Variants in GRXCR2 observed in about 807,000 individuals in gnomAD.
GRXCR2 encodes the protein glutaredoxin and cysteine rich domain containing 2.
A neutral mutation model predicts 24.8 loss-of-function variants in GRXCR2; 23 were observed. The ratio of observed to expected loss-of-function variants is 0.93; its 90% CI spans 0.67 to 1.32. The LOEUF is 1.32. Among genes scored for constraint, GRXCR2 ranks in the 40% most tolerant of loss-of-function variants. The pLI, the probability that GRXCR2 is intolerant of heterozygous loss-of-function variation, is 0.00. For missense variants in GRXCR2, 315 were observed against 303.4 expected (o/e 1.04, Z -0.28); for synonymous variants, 130 against 116.1 (o/e 1.12, Z -0.77).
At chr5:145,919,899 T>C (rs2149928383) in intron 2 of GRXCR2, among the ~76,000 whole-genome samples, 1 of 152,272 alleles carries the variant, frequency 6.6e-6, no homozygotes, top group East Asian at 1.9e-4. Flanking sequence ...GTACAGGGTC[T>C]TGTGAGGTAG....
downstream of GRXCR2, among the ~76,000 whole-genome samples, chr5:145,857,870 T>C (rs367777207): frequency 4.1e-4 from 62 of 152,296 alleles, 1 homozygote; most frequent in South Asian, 0.012. Context: ...ATTATCCATT[T>C]ATGTATCTAT....
intron 2 of GRXCR2, among the ~76,000 whole-genome samples, chr5:145,863,516 T>C (rs1035531291): frequency 9.2e-5 from 14 of 152,246 alleles, no homozygotes; most frequent in African/African-American, 3.1e-4. Flanking sequence ...ACCTGCCTTT[T>C]ATCATTTCTG....
Position 145,865,230 on chromosome 5 carries a change from C to A in GRXCR2, c.564+1271G>T, listed in dbSNP as rs1198853975. Among the ~76,000 whole-genome samples the A allele has an allele frequency of 2.0e-5, 3 of 152,110 alleles. No homozygotes were observed. In the South Asian group the frequency reaches 6.2e-4, roughly 32 times the overall value. On this transcript the variant is annotated intron_variant, in intron 2 of 2. Transcript: ENST00000377976. ...GTGAATCCCACAGAAAACATCAAGT[C>A]CCAGGAGATGGAATCTAAGAGAGAG...
chr5:145,886,007 C>T (rs1227705475), intron 2 of GRXCR2, among the ~76,000 whole-genome samples: 2 of 152,172 alleles, frequency 1.3e-5, no homozygotes, highest in African/African-American at 4.8e-5. Context: ...AAAGTTCATG[C>T]TTCTCATCAT....
intron 2 of GRXCR2, among the ~76,000 whole-genome samples, chr5:145,889,208 G>GAAAGAA (rs1258821119): frequency 6.7e-6 from 1 of 149,374 alleles, no homozygotes; most frequent in Non-Finnish European, 1.5e-5. Flanking sequence ...AAGAAAGAAA[G>GAAAGAA]AAAGAAAGAA....
At chr5:145,877,580 T>C (rs1307839143), upstream of GRXCR2, among the ~76,000 whole-genome samples, 1 of 152,266 alleles carries the variant, frequency 6.6e-6, no homozygotes, top group Admixed American at 6.5e-5. Flanking sequence ...TAAAACTGTA[T>C]AGAAGAGATC....
At chr5:145,913,307 A>G (rs1757191794) in intron 2 of GRXCR2, among the ~76,000 whole-genome samples, 1 of 152,110 alleles carries the variant, frequency 6.6e-6, no homozygotes, top group Admixed American at 6.6e-5. Context: ...GTTTTTCTAT[A>G]TTTAAGGAAA....
At chr5:145,924,229 TCTATTTTAGAATC>T (rs1197136361) in intron 2 of GRXCR2, among the ~76,000 whole-genome samples, 1 of 152,144 alleles carries the variant, frequency 6.6e-6, no homozygotes, top group East Asian at 1.9e-4. Flanking sequence ...GCAAGGCAAA[TCTATTTTAGAATC>T]CTAGTTGAAC....
chr5:145,896,080 T>C (rs968178652), intron 2 of GRXCR2, among the ~76,000 whole-genome samples: 37 of 152,258 alleles, frequency 2.4e-4, no homozygotes, highest in African/African-American at 8.9e-4. Context: ...GCTAGCCATA[T>C]GTAGAAAGCT....
In GRXCR2 at chr5:145,929,296, T is replaced by C. The variant is rs143452925; in HGVS notation, c.-70+6405A>G. ...AACTTTTCACTTTTATAAGTAATGC[T>C]ATAAGGAACACACTTGGATACATAT... On this transcript the variant is annotated intron_variant, in intron 2 of 3. Transcript: ENST00000639411. 7.9e-3 allele frequency among the ~76,000 whole-genome samples: 1,191 copies of C among 150,992 alleles called. 28 individuals carry two copies. The highest frequency in any genetic ancestry group is 0.027 in the African/African-American group (1,130 of 41,216).
At chr5:145,880,695 C>G (rs964937829) in intron 2 of GRXCR2, among the ~76,000 whole-genome samples, 1 of 152,162 alleles carries the variant, frequency 6.6e-6, no homozygotes, top group Non-Finnish European at 1.5e-5. Context: ...CAGCATCATC[C>G]TGATACCAAA....
chr5:145,857,855 T>C (rs1756263618), downstream of GRXCR2, among the ~76,000 whole-genome samples: 3 of 152,162 alleles, frequency 2.0e-5, no homozygotes, highest in South Asian at 6.2e-4. Context: ...TCACAGTGCA[T>C]TGCAATTATC....
intron 2 of GRXCR2, among the ~76,000 whole-genome samples, chr5:145,931,296 C>T (rs539981076): frequency 1.1e-4 from 16 of 152,256 alleles, no homozygotes; most frequent in Middle Eastern, 3.4e-3. Context: ...CCTCCCAAAG[C>T]GCTGGAATTA....
intron 2 of GRXCR2, among the ~76,000 whole-genome samples, chr5:145,893,546 AT>A (rs1436636071): frequency 6.6e-6 from 1 of 152,244 alleles, no homozygotes; most frequent in Non-Finnish European, 1.5e-5. Context: ...AGGCCATTAT[AT>A]AATGGTGAAT....
In GRXCR2 at chr5:145,892,930, T is replaced by G. The variant is rs544270343; in HGVS notation, c.-69-26202A>C. On this transcript the variant is annotated intron_variant, in intron 2 of 3. Coordinates refer to the GRXCR2 transcript ENST00000639411. Reference sequence around the variant, plus strand: ...GGAAGCGCATCAGACTAACAGTAGATCTCTCAGCAGAAACTCTACAAGCCA... The same window carrying G: ...GGAAGCGCATCAGACTAACAGTAGAGCTCTCAGCAGAAACTCTACAAGCCA... 4.6e-5 allele frequency among the ~76,000 whole-genome samples: 7 copies of G among 152,258 alleles called. No individual in the cohort carries two copies. The South Asian group carries it at 1.5e-3, about 32-fold the overall frequency.
At chr5:145,895,815 C>T (rs1756940514) in intron 2 of GRXCR2, among the ~76,000 whole-genome samples, 1 of 152,148 alleles carries the variant, frequency 6.6e-6, no homozygotes, top group Non-Finnish European at 1.5e-5. Flanking sequence ...AAAGAGCCTG[C>T]ATTGCCAAGT....
chr5:145,882,318 G>C (rs185598749), intron 2 of GRXCR2, among the ~76,000 whole-genome samples: 1 of 151,786 alleles, frequency 6.6e-6, no homozygotes, highest in Admixed American at 6.6e-5. Context: ...TCAAACAAAT[G>C]TACAAGAAAA....
intron 2 of GRXCR2, among the ~76,000 whole-genome samples, chr5:145,878,845 T>A (rs1484820266): frequency 6.6e-6 from 1 of 152,124 alleles, no homozygotes; most frequent in African/African-American, 2.4e-5. Context: ...AAACAGTGGA[T>A]CTCTTGGCAG....
chr5:145,898,658 A>C (rs1326408752), intron 2 of GRXCR2, among the ~76,000 whole-genome samples: 1 of 152,132 alleles, frequency 6.6e-6, no homozygotes, highest in Non-Finnish European at 1.5e-5. Flanking sequence ...AATTCACCAC[A>C]TAAAAAATTA....
Sources: gnomAD v4.1 joint callset for allele counts (sites outside exome capture counted in the v4.1 genomes callset) on GRCh38, gnomAD v4.1.1 for gene constraint, MANE v1.5 for transcripts, NCBI Gene and HGNC (gene_info 2026-07-23, HGNC 2026-07-21) for gene names.